NDUFAF5: variants seen among roughly 807,000 people sequenced by gnomAD.
The protein encoded by NDUFAF5 is NADH:ubiquinone oxidoreductase complex assembly factor 5, also known as arginine-hydroxylase NDUFAF5, mitochondrial.
NDUFAF5 carries 34 observed loss-of-function variants against 48.9 expected under a neutral mutation model. The observed-to-expected ratio is 0.70, with a 90% CI of 0.53 to 0.93. The LOEUF is 0.93. NDUFAF5 is among the 40% of genes least tolerant of loss of function. The pLI is 0.00. For synonymous variants in NDUFAF5, 153 were observed against 150.6 expected, an observed-to-expected ratio of 1.02 and a Z score of -0.12; for missense variants, 428 against 427.5, an observed-to-expected ratio of 1.00 and a Z score of -0.01.
rs1231233098 is a variant in NDUFAF5 at position 13,819,039 on chromosome 20, AAAAT to A, written c.*1830_*1833del. ...CCAAAAAAAGCTCCATTTGTTTAAA[AAAAT>A]TAAGTAAATCAAACACAGCTAATTG... On this transcript the variant is annotated 3_prime_UTR_variant, in exon 11 of 11. Coordinates refer to ENST00000378106, the MANE Select transcript of NDUFAF5 (RefSeq NM_024120.5). The A allele has an allele frequency of 1.3e-5, 2 of 152,258 alleles. No homozygotes were observed. The highest frequency in any genetic ancestry group is 2.9e-5 in the Non-Finnish European group (2 of 68,048). 9.4% of individuals were successfully genotyped at this position (152,258 alleles called of 1,614,324 possible).
intron 8 of NDUFAF5, among the ~76,000 whole-genome samples, chr20:13,812,606 G>A (rs1476457441): frequency 6.6e-6 from 1 of 152,116 alleles, no homozygotes; most frequent in East Asian, 1.9e-4. Context: ...TTCAACATAT[G>A]AGCAGCACTT....
In NDUFAF5 at chr20:13,818,174, G is replaced by T; in HGVS notation, c.*964G>T. 1 of 454,108 alleles carries T rather than the reference G, an allele frequency of 2.2e-6. No homozygotes were observed. Among genetic ancestry groups the T allele is most frequent in the Non-Finnish European group, 4.4e-6 (1 of 226,792 alleles). 28.1% of individuals were successfully genotyped at this position (454,108 alleles called of 1,614,324 possible). A position where few individuals can be genotyped will look rare whatever the true frequency, so the allele number is the denominator to read the frequency against. ...ACTGTATTAGCAACAAGCTGTCCAT[G>T]GGTGGGGGCTGTGTGTTAGCCTGTA... On this transcript the variant is annotated 3_prime_UTR_variant, in exon 11 of 11. Transcript: ENST00000378106.
chr20:13,796,456 T>TA (rs1983233256), intron 5 of NDUFAF5, among the ~76,000 whole-genome samples: 1 of 152,220 alleles, frequency 6.6e-6, no homozygotes, highest in Non-Finnish European at 1.5e-5. Context: ...ATAGAGTTTA[T>TA]AGTATGAGCT....
At chr20:13,806,791 C>T (rs1456901032) in intron 7 of NDUFAF5, among the ~76,000 whole-genome samples, 1 of 152,152 alleles carries the variant, frequency 6.6e-6, no homozygotes, top group African/African-American at 2.4e-5. Flanking sequence ...CTAGAGGTCT[C>T]ATTAAAAAGC....
At chr20:13,807,755 AAC>A (rs1985261044) in intron 7 of NDUFAF5, among the ~76,000 whole-genome samples, 1 of 151,828 alleles carries the variant, frequency 6.6e-6, no homozygotes, top group South Asian at 2.1e-4. Context: ...CAGCCTGGCT[AAC>A]ACGGTGAAAG....
rs1982945948 is a variant in NDUFAF5, at chr20:13,794,935, G to T, written c.473G>T (p.Ser158Ile). 1 of 1,600,804 alleles carries T rather than the reference G, an allele frequency of 6.2e-7. No homozygotes were observed. The highest frequency in any genetic ancestry group is 1.1e-5 in the South Asian group (1 of 90,736). ...AATACATTTGACCTGGTGGTTAGCAGTTTAAGGTTGGTAATCCACTTTTTA... is the reference window on the plus strand; with the variant it reads ...AATACATTTGACCTGGTGGTTAGCATTTTAAGGTTGGTAATCCACTTTTTA... ...KENTFDLVVS[S>I]LSLHWVNDLP... The change falls in exon 5 of 11, where the codon AGT (serine) becomes ATT (isoleucine). Residue 158 changes from serine to isoleucine, a missense_variant. Physicochemically the swap from Ser to Ile is moderately radical, Grantham distance 142 (BLOSUM62 -2). Coordinates refer to ENST00000378106, the MANE Select transcript of NDUFAF5 (RefSeq NM_024120.5).
chr20:13,788,412 G>A (rs778872684), intron 2 of NDUFAF5, among the ~76,000 whole-genome samples, 177 bp from the exon 3 acceptor site: 10 of 152,186 alleles, frequency 6.6e-5, no homozygotes, highest in Non-Finnish European at 1.3e-4. Context: ...CTAGCAGACA[G>A]ACTTGCCTTG....
intron 10 of NDUFAF5, 48 bp from the exon 11 acceptor site, chr20:13,817,070 G>T: frequency 6.3e-7 from 1 of 1,575,424 alleles, no homozygotes; most frequent in Admixed American, 1.7e-5. Flanking sequence ...AATTGGGGCT[G>T]TGTATTATCT....
chr20:13,785,222 A>AT lies in NDUFAF5; in HGVS notation c.154_155insT (p.Lys52IlefsTer18), dbSNP rs1424991231. 1 of 1,613,744 alleles carries AT rather than the reference A, an allele frequency of 6.2e-7. No homozygotes were observed. The highest frequency in any genetic ancestry group is 8.5e-7 in the Non-Finnish European group (1 of 1,179,858). ...CCTGAATATTTTCGACCGGGATTTG[A>AT]AAAGGAAACAGAAGAACTGGGCAGC... On this transcript the variant is annotated frameshift_variant, in exon 1 of 11. Coordinates refer to ENST00000378106, the MANE Select transcript of NDUFAF5 (RefSeq NM_024120.5). LOFTEE classifies it high-confidence loss of function.
At chr20:13,785,459 A>G (rs1306687331) in intron 1 of NDUFAF5, among the ~76,000 whole-genome samples, 169 bp downstream of exon 1, 9 of 152,192 alleles carry the variant, frequency 5.9e-5, no homozygotes, top group Non-Finnish European at 2.9e-5. Flanking sequence ...GGCCTCGGAT[A>G]TTTGTAACAT....
rs1279607605 is a variant in NDUFAF5 at position 13,818,427 on chromosome 20, C to T, written c.*1217C>T. ...AGTAAACCTGTGAAGTAGAATTTGG[C>T]GTTTTGTTTTTTGGGGTTTTTTTTT... On this transcript the variant is annotated 3_prime_UTR_variant, in exon 11 of 11. Transcript: ENST00000378106. The T allele has an allele frequency of 4.6e-5, 14 of 301,588 alleles. No individual in the cohort carries two copies. Among genetic ancestry groups the T allele is most frequent in the Admixed American group, 2.3e-4 (5 of 21,530 alleles). 18.7% of individuals were successfully genotyped at this position (301,588 alleles called of 1,614,324 possible).
intron 7 of NDUFAF5, chr20:13,803,036 A>C (rs1274409197): frequency 6.6e-6 from 1 of 152,246 alleles, no homozygotes; most frequent in East Asian, 1.9e-4. Flanking sequence ...CTACATAATT[A>C]GAGATGATAA....
rs1000413366 is a variant in NDUFAF5 at position 13,820,093 on chromosome 20, C to T, written c.*2883C>T. 2.6e-5 allele frequency: 4 copies of T among 152,220 alleles called. No homozygotes were observed. In the East Asian group the frequency reaches 5.8e-4, roughly 22 times the overall value. The allele number at this position is 152,220 out of a possible 1,614,324, so 9.4% of individuals were successfully genotyped here. A position where few individuals can be genotyped will look rare whatever the true frequency, so the allele number is the denominator to read the frequency against. The stretch of plus-strand genomic sequence containing the variant: ...TGCACACCGTGACACCTGTTGGCTG[C>T]CAGGAGACTGTTTGGCTTATTTCCT... On this transcript the variant is annotated 3_prime_UTR_variant, in exon 11 of 11. Coordinates refer to ENST00000378106, the MANE Select transcript of NDUFAF5 (RefSeq NM_024120.5).
At position 13,819,385 on chromosome 20, in the gene NDUFAF5, T is replaced by C. The variant is rs928678193; in HGVS notation, c.*2175T>C. On this transcript the variant is annotated 3_prime_UTR_variant, in exon 11 of 11. Coordinates refer to ENST00000378106, the MANE Select transcript of NDUFAF5 (RefSeq NM_024120.5). ...TTTTATTTTTTATTTTATTTTATTT[T>C]TTGAGACGGAGTCTCGCTCTGTCTC... 1 of 152,250 alleles carries C rather than the reference T, an allele frequency of 6.6e-6. No individual in the cohort carries two copies. The highest frequency in any genetic ancestry group is 2.4e-5 in the African/African-American group (1 of 41,466). 9.4% of individuals were successfully genotyped at this position (152,250 alleles called of 1,614,324 possible).
intron 6 of NDUFAF5, among the ~76,000 whole-genome samples, chr20:13,801,004 A>G (rs117204883): frequency 0.017 from 2,542 of 152,276 alleles, 21 homozygotes; most frequent in Non-Finnish European, 0.024. Flanking sequence ...TGGAACTGGC[A>G]CACTGTCACT....
intron 8 of NDUFAF5, among the ~76,000 whole-genome samples, chr20:13,814,964 G>T (rs1986294104): frequency 6.6e-6 from 1 of 152,194 alleles, no homozygotes; most frequent in Admixed American, 6.5e-5. Flanking sequence ...TACGCCCTGT[G>T]CTCTGCAGTA....
In NDUFAF5 at chr20:13,817,195, G is replaced by GA. The variant is rs778575439; in HGVS notation, c.1029dup (p.Ser344IlefsTer20). 1.2e-5 allele frequency: 20 copies of GA among 1,612,744 alleles called. No individual in the cohort carries two copies. The highest frequency in any genetic ancestry group is 3.3e-5 in the South Asian group (3 of 91,050). On this transcript the variant is annotated frameshift_variant, in exon 11 of 11. Transcript: ENST00000378106. LOFTEE classifies it high-confidence loss of function. Reference sequence around the variant, plus strand: ...AAATAAACAACCTTATGCCACCGGGGAAAAAATCACAATAAATATTTATTC... The same window carrying GA: ...AAATAAACAACCTTATGCCACCGGGGAAAAAAATCACAATAAATATTTATTC...
intron 3 of NDUFAF5, among the ~76,000 whole-genome samples, chr20:13,789,793 T>C (rs987340156): frequency 1.3e-5 from 2 of 152,180 alleles, no homozygotes; most frequent in Non-Finnish European, 2.9e-5. Context: ...GTGGAATTTC[T>C]ACGTAAAATC....
intron 7 of NDUFAF5, chr20:13,801,937 C>A: frequency 2.4e-6 from 1 of 417,922 alleles, no homozygotes. Context: ...TCATAGTTAA[C>A]AAGACAAATT....
Sources: gnomAD v4.1 joint callset for allele counts (sites outside exome capture counted in the v4.1 genomes callset) on GRCh38, gnomAD v4.1.1 for gene constraint, MANE v1.5 for transcripts, NCBI Gene and HGNC (gene_info 2026-07-23, HGNC 2026-07-21) for gene names.